Variants in ESYT2 observed in about 807,000 individuals in gnomAD.
ESYT2 encodes the protein extended synaptotagmin 2.
ESYT2 carries 54 observed loss-of-function variants against 107.2 expected under a neutral mutation model. That is an observed-to-expected ratio of 0.50 (90% CI 0.40 to 0.63). The LOEUF is 0.63. Among genes scored for constraint, ESYT2 ranks in the 30% least tolerant of loss-of-function variants. The pLI is 0.00. For synonymous variants in ESYT2, 491 were observed against 434.1 expected, an observed-to-expected ratio of 1.13 and a Z score of -1.63; for missense variants, 1,020 against 1,094.5, an observed-to-expected ratio of 0.93 and a Z score of 0.96.
chr7:158,766,853 A>T (rs1838181118), intron 8 of ESYT2, among the ~76,000 whole-genome samples: 1 of 152,230 alleles, frequency 6.6e-6, no homozygotes. Flanking sequence ...TTAAACAGAC[A>T]TGGGATCTAA....
chr7:158,787,533 A>G (rs904879182), intron 6 of ESYT2, among the ~76,000 whole-genome samples: 2 of 152,234 alleles, frequency 1.3e-5, no homozygotes, highest in Non-Finnish European at 2.9e-5. Flanking sequence ...TCTTCTCAAC[A>G]AAGTGTTCAG....
chr7:158,787,154 G>A (rs940142353), intron 6 of ESYT2, among the ~76,000 whole-genome samples: 1 of 152,168 alleles, frequency 6.6e-6, no homozygotes, highest in Non-Finnish European at 1.5e-5. Flanking sequence ...GAAGGAGTTT[G>A]TCTGGTGGGA....
At chr7:158,790,702 G>A (rs997615330) in intron 4 of ESYT2, among the ~76,000 whole-genome samples, 3 of 152,300 alleles carry the variant, frequency 2.0e-5, no homozygotes, top group Admixed American at 6.5e-5. Flanking sequence ...CGAGGCAGGC[G>A]GATCACTTGA....
At chr7:158,798,959 C>G in intron 2 of ESYT2, 72 bp downstream of exon 2, 1 of 1,485,798 alleles carries the variant, frequency 6.7e-7, no homozygotes, top group Non-Finnish European at 9.3e-7. Context: ...ATGCAAATCC[C>G]CAAATATGGA....
intron 3 of ESYT2, among the ~76,000 whole-genome samples, chr7:158,796,573 A>T (rs1371141359): frequency 6.6e-6 from 1 of 152,220 alleles, no homozygotes; most frequent in African/African-American, 2.4e-5. Flanking sequence ...GCTTCCGAAA[A>T]GGGCGTGCTG....
rs140212813 is a variant in ESYT2 at position 158,789,004 on chromosome 7, T to C, written c.585-587A>G. Among the ~76,000 whole-genome samples, 416 of 152,294 alleles carry C rather than the reference T, an allele frequency of 2.7e-3. 3 individuals carry two copies. Among genetic ancestry groups the C allele is most frequent in the African/African-American group, 9.6e-3 (397 of 41,556 alleles). On this transcript the variant is annotated intron_variant, in intron 4 of 22. Transcript: ENST00000275418. ...ACAAACATAATGCTAAAGGCAAGAT[T>C]TGCACCTGTTTTTAATATAAACATG...
At chr7:158,767,196 T>C (rs1293108219) in intron 8 of ESYT2, among the ~76,000 whole-genome samples, 2 of 152,236 alleles carry the variant, frequency 1.3e-5, no homozygotes, top group East Asian at 1.9e-4. Context: ...TCTACCAGGT[T>C]ACTCATTAAA....
intron 1 of ESYT2, among the ~76,000 whole-genome samples, chr7:158,819,806 T>TA (rs1184256126): frequency 6.6e-6 from 1 of 152,046 alleles, no homozygotes; most frequent in East Asian, 1.9e-4. Flanking sequence ...TATAGAAAGA[T>TA]AAAGGGGGAC....
intron 6 of ESYT2, among the ~76,000 whole-genome samples, chr7:158,786,056 G>A (rs1839104015): frequency 6.6e-6 from 1 of 152,026 alleles, no homozygotes; most frequent in Non-Finnish European, 1.5e-5. Context: ...TTTCACTGGA[G>A]TACGTTTGAT....
At chr7:158,781,437 AGT>A (rs1162408859) in intron 6 of ESYT2, among the ~76,000 whole-genome samples, 1 of 146,452 alleles carries the variant, frequency 6.8e-6, no homozygotes, top group Non-Finnish European at 1.5e-5. Context: ...GAGAAGTGTG[AGT>A]GTGAACAAGT....
chr7:158,744,655 T>A (rs1018769357), intron 16 of ESYT2, among the ~76,000 whole-genome samples: 1 of 152,230 alleles, frequency 6.6e-6, no homozygotes, highest in East Asian at 1.9e-4. Context: ...TGAGCCACCA[T>A]GCCCAGCCTC....
At chr7:158,741,060 C>A (rs1365590211) in intron 18 of ESYT2, among the ~76,000 whole-genome samples, 4 of 152,156 alleles carry the variant, frequency 2.6e-5, no homozygotes, top group African/African-American at 9.7e-5. Flanking sequence ...AAGGAGCCAA[C>A]ACAGACATCC....
intron 14 of ESYT2, 108 bp from the exon 15 acceptor site, chr7:158,749,831 C>G: frequency 1.0e-6 from 1 of 990,150 alleles, no homozygotes; most frequent in Non-Finnish European, 1.5e-6. Context: ...TTATTTATCT[C>G]TGATATTTAA....
chr7:158,806,112 C>CGGGGCACACCGCGTGGGAGGCGCT (rs1563032967), intron 1 of ESYT2, among the ~76,000 whole-genome samples: 19 of 39,684 alleles, frequency 4.8e-4, no homozygotes, highest in African/African-American at 9.1e-4. Context: ...TGGGAGGCGC[C>CGGGGCACACCGCGTGGGAGGCGCT]GGGGCACACC....
intron 13 of ESYT2, among the ~76,000 whole-genome samples, chr7:158,759,269 G>A (rs182005640): frequency 1.3e-5 from 2 of 152,202 alleles, no homozygotes; most frequent in Non-Finnish European, 1.5e-5. Context: ...CCTATGTACT[G>A]CACAAATCCA....
At position 158,829,319 on chromosome 7, in the gene ESYT2, G is replaced by A. The variant is rs1308716403; in HGVS notation, c.100C>T (p.Pro34Ser). ...CGCGCCAGCTGCGCCAGCAGCCCGG[G>A]CAGCTCCACGCTCAGCACGCCCCCG... is the stretch of plus-strand genomic sequence containing the variant. ...NPGGVLSVEL[P>S]GLLAQLARSF... Residue 34 changes from proline (P) to serine (S), a missense_variant, in exon 1 of 23, where the codon CCC becomes TCC. Physicochemically the swap from Pro to Ser is moderately conservative, Grantham distance 74. Transcript: ENST00000275418. 4.0e-6 allele frequency: 6 copies of A among 1,492,814 alleles called. No homozygotes were observed. In the South Asian group the frequency reaches 7.5e-5, roughly 19 times the overall value. 92.5% of individuals were successfully genotyped at this position (1,492,814 alleles called of 1,614,324 possible). A position where few individuals can be genotyped will look rare whatever the true frequency, so the allele number is the denominator to read the frequency against.
intron 7 of ESYT2, among the ~76,000 whole-genome samples, chr7:158,771,701 C>T (rs967304862): frequency 6.6e-6 from 1 of 152,220 alleles, no homozygotes; most frequent in African/African-American, 2.4e-5. Context: ...AGAAGACACG[C>T]CAGCTTTCCA....
intron 1 of ESYT2, among the ~76,000 whole-genome samples, chr7:158,809,807 T>C (rs926892762): frequency 6.6e-6 from 1 of 152,228 alleles, no homozygotes; most frequent in Non-Finnish European, 1.5e-5. Flanking sequence ...GGCAGCCAGC[T>C]GTTCAAACCA....
chr7:158,736,194 G>A (rs1836942024), intron 20 of ESYT2, among the ~76,000 whole-genome samples: 1 of 151,698 alleles, frequency 6.6e-6, no homozygotes, highest in Non-Finnish European at 1.5e-5. Flanking sequence ...ACGCTTAAAT[G>A]CCTCGGATGG....
Sources: gnomAD v4.1 joint callset for allele counts (sites outside exome capture counted in the v4.1 genomes callset) on GRCh38, gnomAD v4.1.1 for gene constraint, MANE v1.5 for transcripts, NCBI Gene and HGNC (gene_info 2026-07-23, HGNC 2026-07-21) for gene names.